The following NBAS variants were observed in gnomAD, a reference collection of about 807,000 sequenced individuals.
The protein encoded by NBAS is NAG/BC035112 fusion.
A neutral mutation model predicts 302.5 loss-of-function variants in NBAS; 219 were observed. That is an observed-to-expected ratio of 0.72 (90% CI 0.65 to 0.81). NBAS has a LOEUF of 0.81. Ranked by LOEUF, NBAS falls within the 30% of genes least tolerant of loss-of-function variation. The pLI, the probability that NBAS is intolerant of heterozygous loss-of-function variation, is 0.00. For missense variants in NBAS, 2,932 were observed against 2,841.6 expected, an observed-to-expected ratio of 1.03 and a Z score of -0.72; for synonymous variants, 1,118 against 1,021.6, an observed-to-expected ratio of 1.09 and a Z score of -1.80.
the NBAS span, among the ~76,000 whole-genome samples, chr2:15,111,149 A>G: frequency 6.6e-6 from 1 of 152,164 alleles, no homozygotes; most frequent in East Asian, 1.9e-4. Flanking sequence ...CTTTTCTACC[A>G]TAATGAGAGA....
chr2:15,229,814 C>T (rs115622285), intron 47 of NBAS, among the ~76,000 whole-genome samples: 254 of 151,528 alleles, frequency 1.7e-3, no homozygotes, highest in African/African-American at 4.5e-3. Flanking sequence ...AAAAAGAGGA[C>T]GTGAAAAATG....
the NBAS span, among the ~76,000 whole-genome samples, chr2:14,968,493 A>C: frequency 6.6e-6 from 1 of 151,964 alleles, no homozygotes; most frequent in Non-Finnish European, 1.5e-5. Flanking sequence ...GTAGCTACTG[A>C]CAGGTGTGAC....
At chr2:15,391,374 A>AG (rs946026008) in intron 28 of NBAS, among the ~76,000 whole-genome samples, 5 of 89,478 alleles carry the variant, frequency 5.6e-5, no homozygotes, top group Non-Finnish European at 1.4e-4. Context: ...GAACTCTTAG[A>AG]GATTAAAAAA....
At chr2:15,304,705 C>T (rs1670952938) in intron 40 of NBAS, among the ~76,000 whole-genome samples, 1 of 152,214 alleles carries the variant, frequency 6.6e-6, no homozygotes. Flanking sequence ...TATTCTTTAG[C>T]AAAGAGACTG....
At chr2:15,190,464 T>C (rs768389742) in intron 48 of NBAS, 61 bp from the exon 49 acceptor site, 11 of 1,572,736 alleles carry the variant, frequency 7.0e-6, no homozygotes, top group Non-Finnish European at 9.5e-6. Flanking sequence ...GTTTATAGAA[T>C]AATTCTACTT....
At chr2:15,090,433 G>T in the NBAS span, among the ~76,000 whole-genome samples, 3 of 152,208 alleles carry the variant, frequency 2.0e-5, no homozygotes, top group East Asian at 5.8e-4. Flanking sequence ...TAGGGGCCAG[G>T]TGTTTTCAAG....
intron 44 of NBAS, among the ~76,000 whole-genome samples, chr2:15,258,254 G>A (rs976755446): frequency 3.3e-5 from 5 of 152,076 alleles, no homozygotes; most frequent in East Asian, 1.9e-4. Context: ...TGATGATTGC[G>A]TTAACTGTAC....
At chr2:15,251,565 C>T (rs1356528242) in intron 44 of NBAS, among the ~76,000 whole-genome samples, 1 of 152,074 alleles carries the variant, frequency 6.6e-6, no homozygotes, top group Non-Finnish European at 1.5e-5. Context: ...TGCTAATTGC[C>T]CATTTTAATG....
At chr2:15,354,944 T>A (rs1673540591) in intron 33 of NBAS, among the ~76,000 whole-genome samples, 1 of 152,186 alleles carries the variant, frequency 6.6e-6, no homozygotes, top group East Asian at 1.9e-4. Context: ...CTGCCCTTGA[T>A]GTCTCTTAAT....
chr2:15,357,474 C>A (rs764328339), intron 32 of NBAS, among the ~76,000 whole-genome samples: 3 of 152,138 alleles, frequency 2.0e-5, no homozygotes, highest in Non-Finnish European at 2.9e-5. Context: ...TCTCTTACTG[C>A]AAAATTCCAT....
chr2:14,897,131 G>A, the NBAS span, among the ~76,000 whole-genome samples: 4 of 150,956 alleles, frequency 2.6e-5, no homozygotes, highest in Non-Finnish European at 5.9e-5. Context: ...GAAGAAATTT[G>A]CCCAGTATCA....
the NBAS span, among the ~76,000 whole-genome samples, chr2:14,785,964 G>A: frequency 2.0e-5 from 3 of 152,166 alleles, no homozygotes; most frequent in African/African-American, 7.2e-5. Context: ...ACTCTATTTA[G>A]TTGGTAAGCT....
intron 31 of NBAS, among the ~76,000 whole-genome samples, chr2:15,372,276 A>AC (rs1491528778): frequency 2.6e-5 from 4 of 152,218 alleles, no homozygotes; most frequent in African/African-American, 7.2e-5. Flanking sequence ...ATACACACAC[A>AC]AAAATATTTC....
chr2:15,531,442 T>G (rs1208409926), intron 9 of NBAS, among the ~76,000 whole-genome samples: 1 of 152,160 alleles, frequency 6.6e-6, no homozygotes, highest in African/African-American at 2.4e-5. Context: ...CTCTTCAAGA[T>G]GATCAAACAG....
At chr2:15,011,579 C>T in the NBAS span, among the ~76,000 whole-genome samples, 4 of 152,194 alleles carry the variant, frequency 2.6e-5, no homozygotes, top group South Asian at 2.1e-4. Context: ...CTTGCCCTAG[C>T]AGGCACCCCT....
the NBAS span, among the ~76,000 whole-genome samples, chr2:14,784,164 G>T: frequency 6.6e-6 from 1 of 152,012 alleles, no homozygotes; most frequent in South Asian, 2.1e-4. Flanking sequence ...TTTTTGATGG[G>T]GTTGTTTTTT....
At chr2:15,519,166 T>C (rs932285716) in intron 9 of NBAS, among the ~76,000 whole-genome samples, 5 of 152,196 alleles carry the variant, frequency 3.3e-5, no homozygotes, top group African/African-American at 1.2e-4. Context: ...CCATTAACAT[T>C]TACTAAACTG....
At chr2:15,425,151 A>G (rs1229616458) in intron 22 of NBAS, among the ~76,000 whole-genome samples, 1 of 102,632 alleles carries the variant, frequency 9.7e-6, no homozygotes, top group South Asian at 3.0e-4. Flanking sequence ...ATTGCCTTCC[A>G]TGTTTAAGGA....
At chr2:15,391,516 A>G (rs1417072926) in intron 28 of NBAS, among the ~76,000 whole-genome samples, 1 of 152,154 alleles carries the variant, frequency 6.6e-6, no homozygotes, top group Non-Finnish European at 1.5e-5. Context: ...AATATTAAAA[A>G]CAAATAAACA....
Sources: gnomAD v4.1 joint callset for allele counts (sites outside exome capture counted in the v4.1 genomes callset) on GRCh38, gnomAD v4.1.1 for gene constraint, MANE v1.5 for transcripts, NCBI Gene and HGNC (gene_info 2026-07-23, HGNC 2026-07-21) for gene names.